Variants in SPTLC1 observed in about 807,000 individuals in gnomAD.
SPTLC1 encodes the protein serine palmitoyltransferase long chain base subunit 1, also known as serine palmitoyltransferase 1.
SPTLC1 carries 55 observed loss-of-function variants against 68.9 expected under a neutral mutation model. The ratio of observed to expected loss-of-function variants is 0.80; its 90% CI spans 0.64 to 1.00. SPTLC1 has a LOEUF of 1.00. SPTLC1 is among the 50% of genes least tolerant of loss of function. The probability of loss-of-function intolerance (pLI) is 0.00; values close to 1 mark genes in which losing one functional copy is unlikely to be tolerated. For synonymous variants in SPTLC1, 197 were observed against 201.6 expected, an observed-to-expected ratio of 0.98 and a Z score of 0.19; for missense variants, 449 against 573.1, an observed-to-expected ratio of 0.78 and a Z score of 2.21.
At position 92,032,228 on chromosome 9, in the gene SPTLC1, G is replaced by A; in HGVS notation, c.*237C>T. The A allele has an allele frequency of 7.0e-7, 1 of 1,435,824 alleles. No individual in the cohort carries two copies. Among genetic ancestry groups the A allele is most frequent in the East Asian group, 2.5e-5 (1 of 40,404 alleles). The allele number at this position is 1,435,824 out of a possible 1,614,324, so 88.9% of individuals were successfully genotyped here. ...ACAATTTAAACATCAGTTATACACT[G>A]TCATTAGTTTTCCTCTTAAAAAAAT... On this transcript the variant is annotated 3_prime_UTR_variant, in exon 15 of 15. Transcript: ENST00000262554.
rs751526977 is a variant in SPTLC1, at chr9:92,068,122, T to C, written c.428-24A>G. 37 of 1,607,598 alleles carry C rather than the reference T, an allele frequency of 2.3e-5. 1 individual carries two copies. Among genetic ancestry groups the C allele is most frequent in the Non-Finnish European group, 6.0e-6 (7 of 1,176,138 alleles). On this transcript the variant is annotated intron_variant, in intron 5 of 14. Transcript: ENST00000262554. ...ATCTATTTCAGTTAAAAAAGTTAAA[T>C]GGTTAAACTGCCTTATAATTCTTTT...
chr9:92,042,239 C>T lies in SPTLC1; in HGVS notation c.1136+3760G>A, dbSNP rs181619190. On this transcript the variant is annotated intron_variant, in intron 12 of 14. Coordinates refer to ENST00000262554, the MANE Select transcript of SPTLC1 (RefSeq NM_006415.4). ...AAGGAAGGAATGTTTGCTATTATTG[C>T]CACTGTTCAATACAAATTAGGGACT... Among the ~76,000 whole-genome samples, 3 of 152,262 alleles carry T rather than the reference C, an allele frequency of 2.0e-5. No individual in the cohort carries two copies. The East Asian group carries it at 5.8e-4, about 29-fold the overall frequency.
intron 3 of SPTLC1, among the ~76,000 whole-genome samples, chr9:92,083,956 T>C (rs187030444): frequency 0.018 from 2,668 of 152,302 alleles, 67 homozygotes; most frequent in African/African-American, 0.06. Context: ...GGGTCCTTCA[T>C]GTCCCTTGTA....
rs1233229709 is a variant in SPTLC1, at chr9:92,060,903, ACT to A, written c.561-1597_561-1596del. On this transcript the variant is annotated intron_variant, in intron 6 of 14. Transcript: ENST00000262554. ...ATTCCAGCCTGGGTGACAGAGCGAG[ACT>A]CTGTCTCAAAAAAAAAAAAAACAAA... Among the ~76,000 whole-genome samples, 105 of 139,342 alleles carry A rather than the reference ACT, an allele frequency of 7.5e-4. 1 individual carries two copies. Among genetic ancestry groups the A allele is most frequent in the Admixed American group, 3.2e-3 (44 of 13,848 alleles). 91.4% of individuals were successfully genotyped at this position (139,342 alleles called of 152,430 possible).
At chr9:92,092,364 A>G (rs1367875611) in intron 3 of SPTLC1, among the ~76,000 whole-genome samples, 2 of 152,180 alleles carry the variant, frequency 1.3e-5, no homozygotes, top group Non-Finnish European at 2.9e-5. Context: ...ACTCAAGGAA[A>G]ACATTATGCT....
At chr9:92,113,603 T>C (rs937825339) in intron 1 of SPTLC1, among the ~76,000 whole-genome samples, 1 of 152,210 alleles carries the variant, frequency 6.6e-6, no homozygotes, top group Non-Finnish European at 1.5e-5. Flanking sequence ...TCCATTTCTT[T>C]AAAAAATCAT....
At chr9:92,073,758 C>T (rs1834579356) in intron 5 of SPTLC1, among the ~76,000 whole-genome samples, 1 of 152,224 alleles carries the variant, frequency 6.6e-6, no homozygotes, top group Admixed American at 6.5e-5. Flanking sequence ...AGGGAAGAGG[C>T]TGCCAGGCGG....
chr9:92,096,610 G>A (rs1026986992), intron 3 of SPTLC1, among the ~76,000 whole-genome samples: 1 of 152,076 alleles, frequency 6.6e-6, no homozygotes, highest in African/African-American at 2.4e-5. Flanking sequence ...TCAACAAACG[G>A]TGCTAGGACA....
chr9:92,068,376 T>C (rs1834366445), intron 5 of SPTLC1, among the ~76,000 whole-genome samples: 2 of 152,246 alleles, frequency 1.3e-5, no homozygotes, highest in South Asian at 4.1e-4. Context: ...ATCACTCTAC[T>C]GTAAGACTTC....
chr9:92,105,439 C>T (rs1835923361), intron 3 of SPTLC1: 14 of 1,350,482 alleles, frequency 1.0e-5, no homozygotes, highest in Non-Finnish European at 1.4e-5. Context: ...GGCGTGGTGG[C>T]CCACGCCTGT....
At chr9:92,079,595 T>TC (rs1319483883) in intron 5 of SPTLC1, 2 of 1,583,624 alleles carry the variant, frequency 1.3e-6, no homozygotes, top group Admixed American at 1.7e-5. Context: ...ACACTGTTTA[T>TC]CCCCCCTCCC....
At position 92,079,735 on chromosome 9, in the gene SPTLC1, C is replaced by T. The variant is rs1834811941; in HGVS notation, c.427+281G>A. 25 of 701,054 alleles carry T rather than the reference C, an allele frequency of 3.6e-5. No homozygotes were observed. The South Asian group carries it at 3.8e-4, about 11-fold the overall frequency. 43.4% of individuals were successfully genotyped at this position (701,054 alleles called of 1,614,324 possible). A position where few individuals can be genotyped will look rare whatever the true frequency, so the allele number is the denominator to read the frequency against. On this transcript the variant is annotated intron_variant, in intron 5 of 14. Transcript: ENST00000262554. ...CAGAAGTATGAGGCCATCTCCCCTG[C>T]ATAAAGAGTACTGCTGCTCTGCACT... is the stretch of plus-strand genomic sequence containing the variant.
chr9:92,050,352 G>A (rs943994890), intron 8 of SPTLC1: 33 of 373,102 alleles, frequency 8.8e-5, no homozygotes, highest in East Asian at 3.1e-4. Flanking sequence ...CTCTGATCCT[G>A]TGAACAACTA....
At position 92,075,526 on chromosome 9, in the gene SPTLC1, G is replaced by A. The variant is rs552261396; in HGVS notation, c.427+4490C>T. On this transcript the variant is annotated intron_variant, in intron 5 of 14. Coordinates refer to ENST00000262554, the MANE Select transcript of SPTLC1 (RefSeq NM_006415.4). ...CCACACAGCAAAAACGCAGGGCTGC[G>A]CTGTAGGAATTCTTACTCAGGAACC... is the stretch of plus-strand genomic sequence containing the variant. 1.4e-3 allele frequency among the ~76,000 whole-genome samples: 213 copies of A among 152,262 alleles called. 1 individual carries two copies. The highest frequency in any genetic ancestry group is 3.9e-3 in the African/African-American group (161 of 41,544).
chr9:92,089,729 C>T (rs1835287546), intron 3 of SPTLC1, among the ~76,000 whole-genome samples: 1 of 152,110 alleles, frequency 6.6e-6, no homozygotes, highest in Non-Finnish European at 1.5e-5. Context: ...TCATGGGAGA[C>T]AGAAATCCAC....
chr9:92,035,132 G>A (rs908337374), intron 13 of SPTLC1, among the ~76,000 whole-genome samples: 3 of 152,330 alleles, frequency 2.0e-5, no homozygotes, highest in South Asian at 4.1e-4. Flanking sequence ...CTGAGCACAC[G>A]GAGATATGGC....
Position 92,032,524 on chromosome 9 carries a change from CCT to C in SPTLC1, c.1361_1362del (p.Glu454GlyfsTer71), listed in dbSNP as rs757840488. The C allele has an allele frequency of 7.4e-6, 12 of 1,614,146 alleles. No homozygotes were observed. Among genetic ancestry groups the C allele is most frequent in the Admixed American group, 5.0e-5 (3 of 60,018 alleles). ...GTGGACGCAGCTCTCTCCAGTTCTT[CCT>C]CTGTTTGTTCCACCGTGACCACAAC... Reference protein sequence around the residue: ...IRVVVTVEQTEEELERAASTI... With the variant: ...IRVVVTVEQTXEELERAASTI... On this transcript the variant is annotated frameshift_variant, in exon 15 of 15. Transcript: ENST00000262554. LOFTEE classifies it high-confidence loss of function.
intron 5 of SPTLC1, among the ~76,000 whole-genome samples, chr9:92,074,756 C>T (rs1400701705): frequency 4.6e-5 from 7 of 152,158 alleles, no homozygotes. Flanking sequence ...CCAAGACCTT[C>T]GTTTCATCAA....
At chr9:92,038,956 A>AT (rs1833246990) in intron 12 of SPTLC1, among the ~76,000 whole-genome samples, 1 of 152,182 alleles carries the variant, frequency 6.6e-6, no homozygotes, top group Non-Finnish European at 1.5e-5. Flanking sequence ...ATTATACCCC[A>AT]TCTCTACAAA....
Sources: allele counts gnomAD v4.1 joint callset (sites outside exome capture counted in the v4.1 genomes callset), GRCh38; gene constraint gnomAD v4.1.1; transcripts MANE v1.5; gene names NCBI Gene and HGNC (gene_info 2026-07-23, HGNC 2026-07-21).